NUP155: variants seen among roughly 807,000 people sequenced by gnomAD.
The protein encoded by NUP155 is nuclear pore complex protein Nup155.
NUP155 carries 71 observed loss-of-function variants against 180.4 expected under a neutral mutation model. That is an observed-to-expected ratio of 0.39 (90% confidence interval 0.33 to 0.48). The LOEUF (loss-of-function observed/expected upper bound fraction) is 0.48, where lower values mean the gene tolerates loss of function less well. Ranked by LOEUF, NUP155 falls within the 20% of genes least tolerant of loss-of-function variation. The pLI is 0.91. For missense variants in NUP155, 1,553 were observed against 1,648.9 expected, an observed-to-expected ratio of 0.94 and a Z score of 1.01; for synonymous variants, 582 against 559.5, an observed-to-expected ratio of 1.04 and a Z score of -0.57.
intron 13 of NUP155, among the ~76,000 whole-genome samples, chr5:37,332,313 C>A (rs1337370196): frequency 1.1e-5 from 1 of 87,728 alleles, no homozygotes; most frequent in Non-Finnish European, 2.1e-5. Flanking sequence ...GCCATTACAG[C>A]TTTTTTTTTT....
chr5:37,362,147 C>CTT (rs1179232998), intron 3 of NUP155, among the ~76,000 whole-genome samples: 1 of 152,110 alleles, frequency 6.6e-6, no homozygotes. Context: ...TAAGGTAGGA[C>CTT]TGTTTGTTCC....
intron 22 of NUP155, among the ~76,000 whole-genome samples, chr5:37,312,753 CAG>C (rs1743605764): frequency 6.6e-6 from 1 of 152,084 alleles, no homozygotes; most frequent in Non-Finnish European, 1.5e-5. Flanking sequence ...CACTGGAGTC[CAG>C]AGAGGTCAAG....
At chr5:37,342,699 T>C in intron 9 of NUP155, 53 bp from the exon 10 acceptor site, 2 of 1,126,368 alleles carry the variant, frequency 1.8e-6, no homozygotes, top group Non-Finnish European at 2.7e-6. Context: ...TGCTAAATTA[T>C]AAGAAATATT....
chr5:37,305,512 T>C (rs551378507), intron 25 of NUP155, among the ~76,000 whole-genome samples: 2 of 152,168 alleles, frequency 1.3e-5, no homozygotes, highest in East Asian at 3.9e-4. Context: ...TGAAACCCCG[T>C]ATCTGACAAA....
At chr5:37,335,199 T>C (rs1231229650) in intron 12 of NUP155, among the ~76,000 whole-genome samples, 1 of 145,638 alleles carries the variant, frequency 6.9e-6, no homozygotes, top group African/African-American at 2.5e-5. Context: ...CTAGGCAATA[T>C]AATGAAGTCC....
chr5:37,349,210 T>C lies in NUP155; in HGVS notation c.865A>G (p.Asn289Asp). Residue 289 changes from asparagine to aspartate, a missense_variant, in exon 8 of 35, where the codon AAT becomes GAT. Transcript: ENST00000231498. ...TTCTCAGATCGTGTATATAAAATAT[T>C]TCTAGAATTATCAATTGCAATTTGA... is the stretch of plus-strand genomic sequence containing the variant. ...ILQIAIDNSR[N>D]ILYTRSEKGV... The C allele has an allele frequency of 1.2e-6, 1 of 829,366 alleles. No individual in the cohort carries two copies. Among genetic ancestry groups the C allele is most frequent in the Non-Finnish European group, 1.9e-6 (1 of 532,990 alleles). The allele number at this position is 829,366 out of a possible 1,614,324, so 51.4% of individuals were successfully genotyped here.
chr5:37,366,094 T>C (rs1046940601), intron 1 of NUP155, among the ~76,000 whole-genome samples: 5 of 152,002 alleles, frequency 3.3e-5, no homozygotes, highest in Non-Finnish European at 7.4e-5. Flanking sequence ...AAACAAAGAC[T>C]GCTCTATAAA....
intron 12 of NUP155, among the ~76,000 whole-genome samples, chr5:37,334,955 C>T (rs1214488062): frequency 6.6e-6 from 1 of 151,808 alleles, no homozygotes; most frequent in Non-Finnish European, 1.5e-5. Flanking sequence ...GTCAGGAGTT[C>T]GAGACCAGCC....
In NUP155 at chr5:37,370,842, G is replaced by A; in HGVS notation, c.136C>T (p.Leu46=). Residue 46 remains leucine, a synonymous_variant, in exon 1 of 35, where the codon CTG becomes TTG. Transcript: ENST00000231498. The part of the protein sequence containing the change: ...EDRMYPDLSE[L]LMVSAPNNPT... ...TCACTTGGGGCAGACACCATAAGCAGCTCGGAAAGGTCCGGGTACATGCGG... is the reference window on the plus strand; with the variant it reads ...TCACTTGGGGCAGACACCATAAGCAACTCGGAAAGGTCCGGGTACATGCGG... 1 of 1,614,204 alleles carries A rather than the reference G, an allele frequency of 6.2e-7. No individual in the cohort carries two copies. Among genetic ancestry groups the A allele is most frequent in the Admixed American group, 1.7e-5 (1 of 60,014 alleles).
chr5:37,333,961 C>A (rs1745147222), intron 12 of NUP155, among the ~76,000 whole-genome samples: 1 of 151,772 alleles, frequency 6.6e-6, no homozygotes, highest in South Asian at 2.1e-4. Context: ...GTCACCACGC[C>A]CAGCTAATTT....
chr5:37,321,741 T>C (rs1744259338), intron 20 of NUP155, among the ~76,000 whole-genome samples: 1 of 152,138 alleles, frequency 6.6e-6, no homozygotes, highest in Non-Finnish European at 1.5e-5. Flanking sequence ...AATATATATA[T>C]ATATGTATAC....
At chr5:37,364,025 ATTC>A (rs1747385500) in intron 2 of NUP155, 41 bp from the exon 3 acceptor site, 6 of 1,437,748 alleles carry the variant, frequency 4.2e-6, no homozygotes, top group African/African-American at 1.4e-5. Context: ...GGTGAATCTT[ATTC>A]TTCTTTAACT....
intron 12 of NUP155, among the ~76,000 whole-genome samples, chr5:37,334,525 C>A (rs1057052574): frequency 3.9e-5 from 6 of 151,932 alleles, no homozygotes. Flanking sequence ...GGATTAGAGA[C>A]GCACACCACC....
chr5:37,358,057 C>G (rs745606711), intron 4 of NUP155, 24 bp downstream of exon 4: 71 of 1,524,934 alleles, frequency 4.7e-5, no homozygotes, highest in Non-Finnish European at 6.3e-5. Flanking sequence ...AACATAATCT[C>G]TTCCTTATAG....
Position 37,330,119 on chromosome 5 carries a change from C to G in NUP155, c.1643G>C (p.Cys548Ser), listed in dbSNP as rs752479219. The G allele has an allele frequency of 6.2e-6, 10 of 1,612,088 alleles. No individual in the cohort carries two copies. Reference sequence around the variant, plus strand: ...GCAAGCAAGAATAAGGCAAGTTGCACAAGCCTGGTCTTCCTGTGTAAAAAG... The same window carrying G: ...GCAAGCAAGAATAAGGCAAGTTGCAGAAGCCTGGTCTTCCTGTGTAAAAAG... ...FFKLHQEDQA[C>S]ATCLILACST... The change falls in exon 15 of 35, where the codon TGT becomes TCT. Residue 548 changes from cysteine to serine, a missense_variant. By Grantham distance (112) the Cys-to-Ser change is moderately radical. Coordinates refer to ENST00000231498, the MANE Select transcript of NUP155 (RefSeq NM_153485.3).
chr5:37,333,627 C>T lies in NUP155; in HGVS notation c.1354G>A (p.Ala452Thr), dbSNP rs1745121834. ...GCCCAGGAATGACCATCAACACCAG[C>T]TGTCATCTATGTAAAAGAAATAAAT... ...QKPMMETQMT[A>T]GVDGHSWALS... The change falls in exon 13 of 35, where the codon GCT (alanine) becomes ACT (threonine). Residue 452 changes from alanine (A) to threonine (T), a missense_variant. Ala to Thr is a moderately conservative substitution (Grantham distance 58). Transcript: ENST00000231498. The T allele has an allele frequency of 1.9e-6, 3 of 1,612,552 alleles. No homozygotes were observed. The highest frequency in any genetic ancestry group is 2.5e-6 in the Non-Finnish European group (3 of 1,178,910).
chr5:37,370,850 A>G lies in NUP155; in HGVS notation c.128T>C (p.Leu43Pro). Reference protein sequence around the residue: ...QLQEDRMYPDLSELLMVSAPN... With the variant: ...QLQEDRMYPDPSELLMVSAPN... ...GGCAGACACCATAAGCAGCTCGGAA[A>G]GGTCCGGGTACATGCGGTCCTCTTG... The change falls in exon 1 of 35, where the codon CTT (leucine) becomes CCT (proline). Residue 43 changes from leucine (L) to proline (P), a missense_variant. Physicochemically the swap from Leu to Pro is moderately conservative, Grantham distance 98 (BLOSUM62 -3). Coordinates refer to ENST00000231498, the MANE Select transcript of NUP155 (RefSeq NM_153485.3). 1 of 1,614,180 alleles carries G rather than the reference A, an allele frequency of 6.2e-7. No homozygotes were observed. Among genetic ancestry groups the G allele is most frequent in the Non-Finnish European group, 8.5e-7 (1 of 1,180,038 alleles).
At chr5:37,315,873 G>A (rs1743852152) in intron 21 of NUP155, among the ~76,000 whole-genome samples, 1 of 152,208 alleles carries the variant, frequency 6.6e-6, no homozygotes, top group Non-Finnish European at 1.5e-5. Flanking sequence ...CTGGGAGGTG[G>A]AGGCTGCAGT....
At chr5:37,311,448 TAA>T (rs765353858) in intron 22 of NUP155, among the ~76,000 whole-genome samples, 2 of 150,598 alleles carry the variant, frequency 1.3e-5, no homozygotes, top group African/African-American at 5.0e-5. Flanking sequence ...ATGAAAAAGA[TAA>T]GTTTCATAAT....
Sources: gnomAD v4.1 joint callset for allele counts (sites outside exome capture counted in the v4.1 genomes callset) on GRCh38, gnomAD v4.1.1 for gene constraint, MANE v1.5 for transcripts, NCBI Gene and HGNC (gene_info 2026-07-23, HGNC 2026-07-21) for gene names.